Variants in GRM4 observed in about 807,000 individuals in gnomAD.
GRM4 encodes glutamate metabotropic receptor 4, also known as metabotropic glutamate receptor 4.
Under a neutral mutation model 81.7 loss-of-function variants are expected in GRM4, and 28 were observed. The ratio of observed to expected loss-of-function variants is 0.34; its 90% CI spans 0.25 to 0.47. GRM4 has a LOEUF of 0.47. Among genes scored for constraint, GRM4 ranks in the 20% least tolerant of loss-of-function variants. GRM4 has a pLI of 1.00. For missense variants in GRM4, 948 were observed against 1,290.0 expected (o/e 0.73, Z 4.06); for synonymous variants, 488 against 528.8 (o/e 0.92, Z 1.06).
intron 3 of GRM4, among the ~76,000 whole-genome samples, chr6:34,073,348 G>A (rs1234826248): frequency 2.1e-5 from 2 of 93,336 alleles, no homozygotes; most frequent in African/African-American, 4.1e-5. Flanking sequence ...CACTTCACCA[G>A]ATTCACACCC....
chr6:34,122,400 G>A (rs1231248577), intron 2 of GRM4, among the ~76,000 whole-genome samples: 4 of 152,036 alleles, frequency 2.6e-5, no homozygotes, highest in Non-Finnish European at 5.9e-5. Flanking sequence ...AGCGCTGCGG[G>A]CCACCACTCT....
intron 1 of GRM4, among the ~76,000 whole-genome samples, chr6:34,142,707 C>A (rs988244128): frequency 1.2e-4 from 19 of 152,194 alleles, no homozygotes; most frequent in African/African-American, 4.3e-4. Context: ...ATCGCTCACC[C>A]GCTCGCTCTC....
intron 10 of GRM4, chr6:34,024,766 G>A: frequency 2.2e-6 from 1 of 455,924 alleles, no homozygotes; most frequent in Non-Finnish European, 4.4e-6. Context: ...GCCGGATGGT[G>A]GTGGGCAAGT....
intron 2 of GRM4, among the ~76,000 whole-genome samples, chr6:34,129,255 T>C (rs971845650): frequency 7.2e-5 from 11 of 152,176 alleles, no homozygotes; most frequent in African/African-American, 2.7e-4. Context: ...CCTCAGGTGA[T>C]CCACCCGCGT....
intron 2 of GRM4, among the ~76,000 whole-genome samples, chr6:34,097,372 C>CTG (rs972349080): frequency 7.3e-5 from 11 of 150,948 alleles, no homozygotes; most frequent in East Asian, 5.9e-4. Context: ...GTATGCATGC[C>CTG]TGTGTGTGTG....
intron 2 of GRM4, among the ~76,000 whole-genome samples, chr6:34,131,497 T>C (rs1021860081): frequency 1.3e-5 from 2 of 152,088 alleles, no homozygotes; most frequent in African/African-American, 4.8e-5. Context: ...CATACACAGG[T>C]GGGCGCACAC....
At chr6:34,087,418 C>CAA (rs765556138) in intron 3 of GRM4, among the ~76,000 whole-genome samples, 2 of 66,530 alleles carry the variant, frequency 3.0e-5, no homozygotes, top group South Asian at 4.6e-4. Context: ...GACTCCATCT[C>CAA]AAAAAAAAAA....
intron 3 of GRM4, among the ~76,000 whole-genome samples, chr6:34,084,578 C>T (rs1193621947): frequency 1.3e-5 from 2 of 152,132 alleles, no homozygotes; most frequent in Non-Finnish European, 2.9e-5. Flanking sequence ...AAGTTAGGCA[C>T]GACAAGTGGA....
chr6:34,035,523 G>T lies in GRM4; in HGVS notation c.2442+145C>A. On this transcript the variant is annotated intron_variant, in intron 9 of 10. Coordinates refer to ENST00000538487, the MANE Select transcript of GRM4 (RefSeq NM_000841.4). This position sits in a 1 kb window ranked among gnomAD's most constrained non-coding sequence, Gnocchi z 6.6. The stretch of plus-strand genomic sequence containing the variant: ...GAAGGCAGAATGAGGCATGAAAGAA[G>T]GCAGAATGAGGCAAGAAAGAAGGCA... The T allele has an allele frequency of 1.7e-6, 1 of 579,126 alleles. No homozygotes were observed. Among genetic ancestry groups the T allele is most frequent in the Non-Finnish European group, 3.1e-6 (1 of 322,772 alleles). 35.9% of individuals were successfully genotyped at this position (579,126 alleles called of 1,614,324 possible).
rs1311612391 is a variant in GRM4 at position 34,089,330 on chromosome 6, G to GGCTGCTCAATTCTGATTTCAATTTGGCCA, written c.736+2524_736+2552dup. Among the ~76,000 whole-genome samples the GGCTGCTCAATTCTGATTTCAATTTGGCCA allele has an allele frequency of 2.0e-5, 3 of 152,008 alleles. No individual in the cohort carries two copies. The highest frequency in any genetic ancestry group is 2.9e-5 in the Non-Finnish European group (2 of 68,016). On this transcript the variant is annotated intron_variant, in intron 3 of 10. Transcript: ENST00000538487. This position sits in a 1 kb window ranked among gnomAD's most constrained non-coding sequence, Gnocchi z 4.3. ...CAAGGTACAGTGGCCTCTTTCTACTGGCTGCTCAATTCTGATTTCAATTTG... is the reference window on the plus strand; with the variant it reads ...CAAGGTACAGTGGCCTCTTTCTACTGGCTGCTCAATTCTGATTTCAATTTGGCCAGCTGCTCAATTCTGATTTCAATTTG...
intron 1 of GRM4, among the ~76,000 whole-genome samples, chr6:34,143,774 T>C (rs1393237707): frequency 6.6e-6 from 1 of 152,104 alleles, no homozygotes; most frequent in East Asian, 1.9e-4. Context: ...GGCTGAGCGC[T>C]GCAGAATGGC....
chr6:34,102,205 C>T, intron 2 of GRM4: 1 of 1,492,820 alleles, frequency 6.7e-7, no homozygotes, highest in East Asian at 2.5e-5. Context: ...CTGCAAAATT[C>T]ACACACCAGC....
rs1236442316 is a variant in GRM4, at chr6:34,061,917, A to G, written c.848T>C (p.Ile283Thr). 2 of 1,613,132 alleles carry G rather than the reference A, an allele frequency of 1.2e-6. No individual in the cohort carries two copies. Among genetic ancestry groups the G allele is most frequent in the Non-Finnish European group, 1.7e-6 (2 of 1,179,384 alleles). ...LETSNARAVI[I>T]FANEDDIRRV... ...CCTGATGTCATCCTCGTTGGCAAAG[A>G]TGATGACTGCCCTGGCGTTCGAAGT... is the stretch of plus-strand genomic sequence containing the variant. The change falls in exon 4 of 11, where the codon ATC becomes ACC. Residue 283 changes from isoleucine (I) to threonine (T), a missense_variant. Coordinates refer to ENST00000538487, the MANE Select transcript of GRM4 (RefSeq NM_000841.4).
intron 3 of GRM4, among the ~76,000 whole-genome samples, chr6:34,071,612 C>CA (rs757410411): frequency 1.5e-4 from 1 of 6,776 alleles, no homozygotes. Flanking sequence ...ACCACACACA[C>CA]CCATACATCA....
At chr6:34,128,309 C>T (rs1270843246) in intron 2 of GRM4, among the ~76,000 whole-genome samples, 1 of 152,100 alleles carries the variant, frequency 6.6e-6, no homozygotes, top group African/African-American at 2.4e-5. Flanking sequence ...TGTGACATTT[C>T]CTGTGGGCTG....
chr6:34,027,484 G>A (rs1764188400), intron 10 of GRM4, among the ~76,000 whole-genome samples: 1 of 152,172 alleles, frequency 6.6e-6, no homozygotes, highest in South Asian at 2.1e-4. Flanking sequence ...AACTACCTGA[G>A]CGCCGCTAGG....
upstream of GRM4, among the ~76,000 whole-genome samples, chr6:34,147,904 A>T (rs1398788316): frequency 1.3e-4 from 6 of 45,048 alleles, no homozygotes; most frequent in South Asian, 7.8e-4. Flanking sequence ...CTTTTGTTGA[A>T]TGAATGAATG....
Position 34,068,261 on chromosome 6 carries a change from G to A in GRM4, c.737-6233C>T, listed in dbSNP as rs958729108. 6.6e-6 allele frequency among the ~76,000 whole-genome samples: 1 copy of A among 152,156 alleles called. No homozygotes were observed. The highest frequency in any genetic ancestry group is 1.5e-5 in the Non-Finnish European group (1 of 68,020). On this transcript the variant is annotated intron_variant, in intron 3 of 10. Coordinates refer to ENST00000538487, the MANE Select transcript of GRM4 (RefSeq NM_000841.4). The surrounding 1 kb of genome is among the most constrained non-coding windows in gnomAD (Gnocchi z 4.2). ...AGGCAGAGGCTGGATCTGAACTCGG[G>A]TCTGACTATTCTCTAGGAGCTGCTG...
At position 34,042,863 on chromosome 6, in the gene GRM4, C is replaced by T. The variant is rs181797405; in HGVS notation, c.1169-2115G>A. Reference sequence around the variant, plus strand: ...CCCTCACACCCTCTAATCCTGGCCACACCAGTGGCCACACCCACACAAGGA... The same window carrying T: ...CCCTCACACCCTCTAATCCTGGCCATACCAGTGGCCACACCCACACAAGGA... On this transcript the variant is annotated intron_variant, in intron 6 of 10. Transcript: ENST00000538487. This position sits in a 1 kb window ranked among gnomAD's most constrained non-coding sequence, Gnocchi z 4.2. 6.4e-4 allele frequency among the ~76,000 whole-genome samples: 97 copies of T among 152,176 alleles called. No individual in the cohort carries two copies. The highest frequency in any genetic ancestry group is 2.2e-3 in the African/African-American group (93 of 41,424).
Sources: gnomAD v4.1 joint callset for allele counts (sites outside exome capture counted in the v4.1 genomes callset) on GRCh38, gnomAD v4.1.1 for gene constraint, Gnocchi (gnomAD v3.1) non-coding constraint, MANE v1.5 for transcripts, NCBI Gene and HGNC (gene_info 2026-07-23, HGNC 2026-07-21) for gene names.